Variants in FOXN3 observed in about 807,000 individuals in gnomAD.
FOXN3 encodes forkhead box protein N3.
FOXN3 carries 7 observed loss-of-function variants against 38.4 expected under a neutral mutation model. That is an observed-to-expected ratio of 0.18 (90% CI 0.10 to 0.34). The LOEUF (loss-of-function observed/expected upper bound fraction) is 0.34, where lower values mean the gene tolerates loss of function less well. Ranked by LOEUF, FOXN3 falls within the 10% of genes least tolerant of loss-of-function variation. The probability of loss-of-function intolerance (pLI) is 1.00; values close to 1 mark genes in which losing one functional copy is unlikely to be tolerated. For synonymous variants in FOXN3, 230 were observed against 242.2 expected (o/e 0.95, Z 0.47); for missense variants, 456 against 613.4 (o/e 0.74, Z 2.71).
At chr14:89,491,813 A>G (rs947270314) in intron 1 of FOXN3, among the ~76,000 whole-genome samples, 2 of 152,134 alleles carry the variant, frequency 1.3e-5, no homozygotes, top group African/African-American at 4.8e-5. Flanking sequence ...TATTTTTTCT[A>G]AATCAATTTC....
chr14:89,416,562 T>A (rs1206094656), intron 1 of FOXN3, among the ~76,000 whole-genome samples: 1 of 151,948 alleles, frequency 6.6e-6, no homozygotes, highest in Non-Finnish European at 1.5e-5. Context: ...CGGAACCCCC[T>A]CCCCGGCCCG....
At chr14:89,327,105 C>A (rs1888106011) in intron 3 of FOXN3, among the ~76,000 whole-genome samples, 1 of 152,080 alleles carries the variant, frequency 6.6e-6, no homozygotes, top group South Asian at 2.1e-4. Flanking sequence ...AGGACCACAA[C>A]ATGAGGCCAT....
At chr14:89,290,555 A>G (rs897815083) in intron 3 of FOXN3, 31 of 557,886 alleles carry the variant, frequency 5.6e-5, no homozygotes, top group Non-Finnish European at 9.6e-5. Flanking sequence ...TGAAAATGTA[A>G]GCCACTTGTT....
At chr14:89,314,843 A>AAG (rs1223405012) in intron 3 of FOXN3, among the ~76,000 whole-genome samples, 14 of 152,172 alleles carry the variant, frequency 9.2e-5, no homozygotes, top group African/African-American at 3.1e-4. Flanking sequence ...AGAACCTTCA[A>AAG]AAATCCCAAC....
chr14:89,367,623 GA>G (rs1484689733), intron 2 of FOXN3, among the ~76,000 whole-genome samples: 6 of 152,192 alleles, frequency 3.9e-5, no homozygotes, highest in African/African-American at 1.2e-4. Context: ...CAGGGAGACA[GA>G]ACGGGGGTTG....
intron 1 of FOXN3, among the ~76,000 whole-genome samples, chr14:89,575,463 T>G (rs950103052): frequency 4.6e-5 from 7 of 152,072 alleles, no homozygotes; most frequent in African/African-American, 1.7e-4. Flanking sequence ...AACTGCCCAC[T>G]CCCTGCTTTT....
At chr14:89,292,667 T>G (rs1039263143) in intron 3 of FOXN3, among the ~76,000 whole-genome samples, 1 of 152,158 alleles carries the variant, frequency 6.6e-6, no homozygotes, top group Non-Finnish European at 1.5e-5. Context: ...GGCCCCATTT[T>G]GCAAGCAGCC....
rs1031345214 is a variant in FOXN3 at position 89,360,122 on chromosome 14, G to A, written c.544-9314C>T. On this transcript the variant is annotated intron_variant, in intron 2 of 5. Transcript: ENST00000557258. ...ACTATGAGTGCCCAGTTAATTCCCC[G>A]GGGCCCCTGCACACTGGCCTTGCGT... 4.6e-5 allele frequency among the ~76,000 whole-genome samples: 7 copies of A among 152,036 alleles called. No individual in the cohort carries two copies. In the East Asian group the frequency reaches 5.8e-4, roughly 13 times the overall value.
intron 1 of FOXN3, among the ~76,000 whole-genome samples, chr14:89,499,891 GT>G (rs954651207): frequency 6.6e-6 from 1 of 150,962 alleles, no homozygotes; most frequent in African/African-American, 2.5e-5. Context: ...TTTGGCTTGG[GT>G]TTTTTGTTTG....
chr14:89,392,223 G>A (rs187524113), intron 2 of FOXN3, among the ~76,000 whole-genome samples: 229 of 152,334 alleles, frequency 1.5e-3, no homozygotes, highest in Middle Eastern at 3.4e-3. Flanking sequence ...CTGCGTGGCT[G>A]TGAGCACCTC....
chr14:89,606,731 T>C (rs1896283434), intron 1 of FOXN3, among the ~76,000 whole-genome samples: 1 of 151,984 alleles, frequency 6.6e-6, no homozygotes, highest in Non-Finnish European at 1.5e-5. Context: ...ACGCCTGTAA[T>C]CCCAGCTACT....
chr14:89,483,284 T>C (rs571828552), intron 1 of FOXN3, among the ~76,000 whole-genome samples: 7 of 152,218 alleles, frequency 4.6e-5, no homozygotes, highest in Non-Finnish European at 1.5e-5. Flanking sequence ...TGTTTTGAGA[T>C]GTAGATATCA....
intron 4 of FOXN3, among the ~76,000 whole-genome samples, chr14:89,220,062 T>C (rs1352908862): frequency 6.6e-6 from 1 of 152,206 alleles, no homozygotes; most frequent in Non-Finnish European, 1.5e-5. Context: ...CTTTGCTCCA[T>C]TTTGCTATGC....
intron 3 of FOXN3, among the ~76,000 whole-genome samples, chr14:89,283,448 C>T (rs766038559): frequency 2.0e-4 from 31 of 152,286 alleles, no homozygotes; most frequent in Non-Finnish European, 3.5e-4. Flanking sequence ...CTGGAGATGT[C>T]CCTGGATGAT....
intron 1 of FOXN3, among the ~76,000 whole-genome samples, chr14:89,555,849 G>A (rs1192984425): frequency 3.5e-5 from 4 of 114,808 alleles, no homozygotes; most frequent in East Asian, 5.0e-4. Flanking sequence ...GTGTGTGTGT[G>A]TGTGTGTGTG....
At chr14:89,436,233 T>A (rs1054320072) in intron 1 of FOXN3, among the ~76,000 whole-genome samples, 1 of 150,774 alleles carries the variant, frequency 6.6e-6, no homozygotes, top group African/African-American at 2.4e-5. Flanking sequence ...AGCTATTTAT[T>A]TACTAATTAC....
At chr14:89,357,377 C>A (rs935650274) in intron 2 of FOXN3, among the ~76,000 whole-genome samples, 10 of 152,086 alleles carry the variant, frequency 6.6e-5, no homozygotes, top group African/African-American at 2.2e-4. Flanking sequence ...GAGGCTGAAG[C>A]GGGTGGATCA....
At chr14:89,492,395 T>C (rs1334719079) in intron 1 of FOXN3, among the ~76,000 whole-genome samples, 1 of 125,598 alleles carries the variant, frequency 8.0e-6, no homozygotes, top group African/African-American at 3.0e-5. Context: ...GGGGTACAAG[T>C]GGGCAGAGCA....
At position 89,378,999 on chromosome 14, in the gene FOXN3, G is replaced by C. The variant is rs148498135; in HGVS notation, c.544-28191C>G. Among the ~76,000 whole-genome samples, 265 of 152,324 alleles carry C rather than the reference G, an allele frequency of 1.7e-3. 1 individual carries two copies. The highest frequency in any genetic ancestry group is 5.9e-3 in the African/African-American group (245 of 41,574). On this transcript the variant is annotated intron_variant, in intron 2 of 5. Transcript: ENST00000557258. ...TGGGATTACATGCATGAGCCACTGT[G>C]CCTGGCTCACACATTTCTTGAATCA...
Sources: gnomAD v4.1 joint callset for allele counts (sites outside exome capture counted in the v4.1 genomes callset) on GRCh38, gnomAD v4.1.1 for gene constraint, MANE v1.5 for transcripts, NCBI Gene and HGNC (gene_info 2026-07-23, HGNC 2026-07-21) for gene names.